The following TACC2 variants were observed in gnomAD, a reference collection of about 807,000 sequenced individuals.
TACC2 encodes transforming acidic coiled-coil containing protein 2.
Under a neutral mutation model 227.3 loss-of-function variants are expected in TACC2, and 137 were observed. The ratio of observed to expected loss-of-function variants is 0.60; its 90% CI spans 0.52 to 0.69. The LOEUF (loss-of-function observed/expected upper bound fraction) is 0.69, where lower values mean the gene tolerates loss of function less well. Among genes scored for constraint, TACC2 ranks in the 30% least tolerant of loss-of-function variants. The probability of loss-of-function intolerance (pLI) is 0.00; values close to 1 mark genes in which losing one functional copy is unlikely to be tolerated. For missense variants in TACC2, 3,470 were observed against 3,694.4 expected (o/e 0.94, Z 1.57); for synonymous variants, 1,523 against 1,487.5 (o/e 1.02, Z -0.55).
intron 5 of TACC2, among the ~76,000 whole-genome samples, chr10:122,109,952 C>T (rs923897733): frequency 6.6e-6 from 1 of 152,072 alleles, no homozygotes; most frequent in South Asian, 2.1e-4. Context: ...TTCCCCTTCC[C>T]TCCGAATGAA....
In TACC2 at chr10:122,141,139, A is replaced by T. The variant is rs1315641286; in HGVS notation, c.5700-2433A>T. 6.6e-6 allele frequency among the ~76,000 whole-genome samples: 1 copy of T among 152,102 alleles called. No homozygotes were observed. On this transcript the variant is annotated intron_variant, in intron 6 of 22. Transcript: ENST00000369005. This position sits in a 1 kb window ranked among gnomAD's most constrained non-coding sequence, Gnocchi z 4.3. Reference sequence around the variant, plus strand: ...GTCAGTGCCAGGGCCTGGCGGGCTGATGGTGCCACTACCTTGCTGGGAAAA... The same window carrying T: ...GTCAGTGCCAGGGCCTGGCGGGCTGTTGGTGCCACTACCTTGCTGGGAAAA...
intron 5 of TACC2, among the ~76,000 whole-genome samples, chr10:122,124,670 T>C (rs1445873251): frequency 6.6e-6 from 1 of 152,216 alleles, no homozygotes; most frequent in East Asian, 1.9e-4. Flanking sequence ...GGAGTGGCTG[T>C]TTGCCTGCAC....
At chr10:122,037,975 C>T (rs1326950224) in intron 2 of TACC2, among the ~76,000 whole-genome samples, 1 of 152,154 alleles carries the variant, frequency 6.6e-6, no homozygotes, top group Non-Finnish European at 1.5e-5. Context: ...AAAAGGAGTG[C>T]ACTCAGTAGC....
At chr10:122,239,787 T>G (rs1253730551) in intron 18 of TACC2, among the ~76,000 whole-genome samples, 2 of 152,176 alleles carry the variant, frequency 1.3e-5, no homozygotes, top group African/African-American at 4.8e-5. Flanking sequence ...CACCAGCTGG[T>G]GCAGATGTAC....
At chr10:122,080,877 T>C (rs2079400043) in intron 3 of TACC2, among the ~76,000 whole-genome samples, 1 of 152,226 alleles carries the variant, frequency 6.6e-6, no homozygotes, top group South Asian at 2.1e-4. Context: ...TGTGTGAATA[T>C]GTGTGCATGT....
At chr10:122,057,781 G>T (rs1181032631) in intron 3 of TACC2, among the ~76,000 whole-genome samples, 1 of 152,078 alleles carries the variant, frequency 6.6e-6, no homozygotes, top group Non-Finnish European at 1.5e-5. Context: ...AGCCAAGATC[G>T]AGCCATTGCA....
Position 122,195,072 on chromosome 10 carries a change from C to T in TACC2, c.5867C>T (p.Pro1956Leu). The stretch of plus-strand genomic sequence containing the variant: ...GATTCTGAAGAGGCATTTGAGACCC[C>T]GGAGTCAACGACCCCTGTCAAAGCT... ...SSDSEEAFET[P>L]ESTTPVKAPP... The change falls in exon 8 of 23, where the codon CCG becomes CTG. Residue 1956 changes from proline to leucine, a missense_variant. By Grantham distance (98) the Pro-to-Leu change is moderately conservative (BLOSUM62 -3). This residue lies in a region of TACC2 where 8 missense variants were observed against 24.6 expected (regional missense o/e 0.33). Coordinates refer to ENST00000369005, the MANE Select transcript of TACC2 (RefSeq NM_206862.4). 1.2e-6 allele frequency: 2 copies of T among 1,613,648 alleles called. No individual in the cohort carries two copies. The highest frequency in any genetic ancestry group is 1.7e-6 in the Non-Finnish European group (2 of 1,179,754).
At chr10:122,213,445 T>A in intron 9 of TACC2, 1 of 1,534,098 alleles carries the variant, frequency 6.5e-7, no homozygotes, top group Non-Finnish European at 9.0e-7. Flanking sequence ...TTGTTTCTGC[T>A]TCCAAGCCAT....
intron 1 of TACC2, among the ~76,000 whole-genome samples, chr10:122,008,153 C>T (rs1405900791): frequency 1.3e-5 from 2 of 152,064 alleles, no homozygotes; most frequent in East Asian, 1.9e-4. Flanking sequence ...CACCCAGTTG[C>T]CATTGGGTAT....
chr10:122,177,405 A>G (rs1347641155), intron 7 of TACC2, among the ~76,000 whole-genome samples: 1 of 152,132 alleles, frequency 6.6e-6, no homozygotes, highest in Non-Finnish European at 1.5e-5. Flanking sequence ...AAAAATTATA[A>G]TGATGGGAGG....
chr10:122,054,247 G>A (rs557588419), intron 3 of TACC2, among the ~76,000 whole-genome samples: 23 of 152,324 alleles, frequency 1.5e-4, no homozygotes, highest in African/African-American at 4.6e-4. Context: ...TTAGCCCAGC[G>A]TAGTTCAACC....
intron 5 of TACC2, among the ~76,000 whole-genome samples, chr10:122,114,876 C>A (rs2084355666): frequency 1.3e-5 from 2 of 152,298 alleles, no homozygotes; most frequent in South Asian, 4.1e-4. Flanking sequence ...TCTTTTCTCT[C>A]TTAAAAAAAT....
At chr10:122,124,832 C>T (rs1421684247) in intron 5 of TACC2, among the ~76,000 whole-genome samples, 1 of 152,242 alleles carries the variant, frequency 6.6e-6, no homozygotes, top group East Asian at 1.9e-4. Flanking sequence ...CGTTCATCCT[C>T]TCTCTATATG....
intron 8 of TACC2, among the ~76,000 whole-genome samples, chr10:122,195,694 T>A (rs1048301508): frequency 1.1e-4 from 16 of 152,190 alleles, no homozygotes; most frequent in Non-Finnish European, 1.6e-4. Flanking sequence ...AAAACACCTT[T>A]ATGTTCCTTT....
chr10:122,133,818 C>T (rs555063540), intron 6 of TACC2, among the ~76,000 whole-genome samples: 1 of 152,316 alleles, frequency 6.6e-6, no homozygotes, highest in South Asian at 2.1e-4. Flanking sequence ...GTCTCCTTCA[C>T]TAGACTGGGA....
chr10:122,243,687 T>C (rs935580816), intron 19 of TACC2, among the ~76,000 whole-genome samples: 3 of 152,198 alleles, frequency 2.0e-5, no homozygotes, highest in African/African-American at 7.2e-5. Flanking sequence ...GTCTTCCTTA[T>C]GTGGTGTTTG....
At chr10:122,023,024 T>G (rs1489843867) in intron 2 of TACC2, 1 of 144,496 alleles carries the variant, frequency 6.9e-6, no homozygotes, top group East Asian at 2.1e-4. Flanking sequence ...TGTAATTCAT[T>G]TCCCTCTGCC....
chr10:122,177,698 A>G lies in TACC2; in HGVS notation c.5835-17342A>G, dbSNP rs572267268. On this transcript the variant is annotated intron_variant, in intron 7 of 22. Coordinates refer to ENST00000369005, the MANE Select transcript of TACC2 (RefSeq NM_206862.4). ...CAAGCCTCTGGGGCCATGATCTGTGATCGCAAACAAACAGGATTATTCTGT... is the reference window on the plus strand; with the variant it reads ...CAAGCCTCTGGGGCCATGATCTGTGGTCGCAAACAAACAGGATTATTCTGT... Among the ~76,000 whole-genome samples, 4 of 152,322 alleles carry G rather than the reference A, an allele frequency of 2.6e-5. No homozygotes were observed. In the East Asian group the frequency reaches 7.7e-4, roughly 29 times the overall value.
rs2090967443 is a variant in TACC2 at position 122,143,567 on chromosome 10, C to T, written c.5700-5C>T. The T allele has an allele frequency of 2.5e-6, 4 of 1,613,610 alleles. No individual in the cohort carries two copies. Among genetic ancestry groups the T allele is most frequent in the Non-Finnish European group, 3.4e-6 (4 of 1,179,688 alleles). On this transcript the variant is annotated splice_polypyrimidine_tract_variant and splice_region_variant and intron_variant, in intron 6 of 22. Coordinates refer to ENST00000369005, the MANE Select transcript of TACC2 (RefSeq NM_206862.4). ...TGTGGAATAATTCCCTCATTGTGTC[C>T]CCAGCATCTCCCCAGCTGCTGCCCA...
Sources: gnomAD v4.1 joint callset for allele counts (sites outside exome capture counted in the v4.1 genomes callset) on GRCh38, gnomAD v4.1.1 for gene constraint, gnomAD v4.1.1 regional missense constraint, Gnocchi (gnomAD v3.1) non-coding constraint, MANE v1.5 for transcripts, NCBI Gene and HGNC (gene_info 2026-07-23, HGNC 2026-07-21) for gene names.